The following MINDY3 variants were observed in gnomAD, a reference collection of about 807,000 sequenced individuals.
MINDY3 encodes the protein ubiquitin carboxyl-terminal hydrolase MINDY-3.
MINDY3 carries 38 observed loss-of-function variants against 69.2 expected under a neutral mutation model. The observed-to-expected ratio is 0.55, with a 90% CI of 0.42 to 0.72. MINDY3 has a LOEUF of 0.72. Among genes scored for constraint, MINDY3 ranks in the 30% least tolerant of loss-of-function variants. The pLI is 0.00. For synonymous variants in MINDY3, 192 were observed against 180.1 expected (o/e 1.07, Z -0.53); for missense variants, 522 against 519.0 (o/e 1.01, Z -0.06).
intron 7 of MINDY3, 70 bp from the exon 8 acceptor site, chr10:15,833,779 G>T: frequency 1.0e-6 from 1 of 975,100 alleles, no homozygotes; most frequent in Non-Finnish European, 1.6e-6. Flanking sequence ...CTACAGCAAA[G>T]TATAAAGTAA....
At chr10:15,793,976 G>A (rs1282900966) in intron 11 of MINDY3, among the ~76,000 whole-genome samples, 2 of 152,074 alleles carry the variant, frequency 1.3e-5, no homozygotes, top group Non-Finnish European at 2.9e-5. Context: ...TGACTGGCCT[G>A]TACACGCCTA....
chr10:15,817,123 T>G (rs1279454474), intron 9 of MINDY3: 2 of 487,946 alleles, frequency 4.1e-6, no homozygotes, highest in African/African-American at 4.0e-5. Context: ...TATATTGTGC[T>G]TTGACATTAA....
chr10:15,834,164 C>G (rs1832924231), intron 7 of MINDY3, among the ~76,000 whole-genome samples: 1 of 151,686 alleles, frequency 6.6e-6, no homozygotes, highest in Non-Finnish European at 1.5e-5. Context: ...CCATAAAAAG[C>G]TTGAGGAGGG....
chr10:15,838,308 AC>A (rs1170657396), intron 4 of MINDY3, 29 bp from the exon 5 acceptor site: 2 of 1,565,280 alleles, frequency 1.3e-6, no homozygotes, highest in Admixed American at 2.0e-5. Flanking sequence ...TTTCAGCACT[AC>A]ACATGGCAAA....
chr10:15,802,156 G>A (rs1216395339), intron 10 of MINDY3, among the ~76,000 whole-genome samples: 1 of 151,920 alleles, frequency 6.6e-6, no homozygotes, highest in Admixed American at 6.6e-5. Flanking sequence ...TTTTGAGGGA[G>A]TCAAAAGTTG....
chr10:15,784,735 TTAAA>T (rs1264276882), intron 13 of MINDY3, among the ~76,000 whole-genome samples: 3 of 152,176 alleles, frequency 2.0e-5, no homozygotes, highest in South Asian at 2.1e-4. Flanking sequence ...AAACTCCATC[TTAAA>T]TAAATAAATA....
At chr10:15,857,730 G>A (rs1436304773) in intron 1 of MINDY3, among the ~76,000 whole-genome samples, 1 of 152,182 alleles carries the variant, frequency 6.6e-6, no homozygotes, top group Non-Finnish European at 1.5e-5. Flanking sequence ...ACAGGGATTT[G>A]TAGAAGAGAA....
intron 2 of MINDY3, among the ~76,000 whole-genome samples, chr10:15,847,496 T>C (rs1833935026): frequency 6.6e-6 from 1 of 152,160 alleles, no homozygotes; most frequent in South Asian, 2.1e-4. Flanking sequence ...GGAAAGTAAC[T>C]TTTACAGACT....
At chr10:15,837,370 T>A in intron 5 of MINDY3, 52 bp from the exon 6 acceptor site, 1 of 1,369,370 alleles carries the variant, frequency 7.3e-7, no homozygotes. Context: ...TTAACTACAT[T>A]CATAAAAGGG....
intron 10 of MINDY3, among the ~76,000 whole-genome samples, chr10:15,796,991 T>C (rs1027464512): frequency 3.3e-5 from 5 of 152,070 alleles, no homozygotes; most frequent in Admixed American, 6.6e-5. Flanking sequence ...CAGACAAACG[T>C]CATCAGAGGG....
intron 3 of MINDY3, among the ~76,000 whole-genome samples, chr10:15,842,904 C>CAAA (rs370464190): frequency 5.6e-4 from 38 of 67,988 alleles, no homozygotes; most frequent in East Asian, 7.5e-4. Context: ...AATAAGACTA[C>CAAA]AAAAAAAAAA....
At chr10:15,782,676 TTTAA>T (rs560519746) in intron 13 of MINDY3, among the ~76,000 whole-genome samples, 48 of 152,300 alleles carry the variant, frequency 3.2e-4, no homozygotes, top group African/African-American at 1.1e-3. Flanking sequence ...GCCCACGATG[TTTAA>T]TTAGTGGTTT....
In MINDY3 at chr10:15,847,874, G is replaced by A; in HGVS notation, c.164C>T (p.Ala55Val). The change falls in exon 2 of 15, where the codon GCA becomes GTA. Residue 55 changes from alanine (A) to valine (V), a missense_variant. Physicochemically the swap from Ala to Val is moderately conservative, Grantham distance 64 (BLOSUM62 0). Transcript: ENST00000277632. Reference sequence around the variant, plus strand: ...AGGAGTCTATGTTACCTGAACAGGTGCAATAACAGCACAGGGGCCACCTTC... The same window carrying A: ...AGGAGTCTATGTTACCTGAACAGGTACAATAACAGCACAGGGGCCACCTTC... ...QFEGGPCAVI[A>V]PVQAFLLKKL... 1.2e-6 allele frequency: 2 copies of A among 1,613,098 alleles called. No individual in the cohort carries two copies. Among genetic ancestry groups the A allele is most frequent in the Non-Finnish European group, 1.7e-6 (2 of 1,179,078 alleles).
intron 8 of MINDY3, among the ~76,000 whole-genome samples, chr10:15,822,468 T>C (rs1839834273): frequency 6.6e-6 from 1 of 151,932 alleles, no homozygotes; most frequent in Non-Finnish European, 1.5e-5. Context: ...GACAAGAAAA[T>C]TCAAAGCAGA....
intron 8 of MINDY3, among the ~76,000 whole-genome samples, chr10:15,830,257 T>C (rs1311227168): frequency 6.6e-6 from 1 of 152,214 alleles, no homozygotes; most frequent in Non-Finnish European, 1.5e-5. Flanking sequence ...AACCAGTTGT[T>C]GATAAGAGTG....
At chr10:15,834,376 T>C (rs560920074) in intron 7 of MINDY3, among the ~76,000 whole-genome samples, 167 bp downstream of exon 7, 2 of 152,192 alleles carry the variant, frequency 1.3e-5, no homozygotes, top group South Asian at 4.1e-4. Context: ...TAACATTTCA[T>C]ACATCAAGCA....
intron 2 of MINDY3, among the ~76,000 whole-genome samples, chr10:15,847,439 T>A (rs951965172): frequency 6.6e-6 from 1 of 152,346 alleles, no homozygotes; most frequent in East Asian, 1.9e-4. Context: ...TTTTTCAAAT[T>A]TGAAAAAGTT....
intron 1 of MINDY3, among the ~76,000 whole-genome samples, chr10:15,849,446 G>GTT (rs201568467): frequency 2.8e-5 from 4 of 142,936 alleles, no homozygotes; most frequent in Non-Finnish European, 3.1e-5. Flanking sequence ...CATCTTACTG[G>GTT]TTTTTTTTTT....
chr10:15,839,789 T>C (rs1051280812), intron 4 of MINDY3, among the ~76,000 whole-genome samples: 3 of 151,708 alleles, frequency 2.0e-5, no homozygotes, highest in African/African-American at 7.2e-5. Context: ...ATTTCAAATG[T>C]ATACATTATT....
Sources: allele counts gnomAD v4.1 joint callset (sites outside exome capture counted in the v4.1 genomes callset), GRCh38; gene constraint gnomAD v4.1.1; transcripts MANE v1.5; gene names NCBI Gene and HGNC (gene_info 2026-07-23, HGNC 2026-07-21).